LPIN1: variants seen among roughly 807,000 people sequenced by gnomAD.
LPIN1 encodes the protein lipin 1.
Under a neutral mutation model 107.5 loss-of-function variants are expected in LPIN1, and 71 were observed. The ratio of observed to expected loss-of-function variants is 0.66; its 90% CI spans 0.55 to 0.80. LPIN1 has a LOEUF of 0.80. Among genes scored for constraint, LPIN1 ranks in the 30% least tolerant of loss-of-function variants. The pLI, the probability that LPIN1 is intolerant of heterozygous loss-of-function variation, is 0.00. For missense variants in LPIN1, 1,043 were observed against 1,160.6 expected, an observed-to-expected ratio of 0.90 and a Z score of 1.47; for synonymous variants, 445 against 452.6, an observed-to-expected ratio of 0.98 and a Z score of 0.21.
At position 11,765,881 on chromosome 2, in the gene LPIN1, T is replaced by A; in HGVS notation, c.192+148T>A. The A allele has an allele frequency of 1.5e-6, 1 of 662,644 alleles. No individual in the cohort carries two copies. The highest frequency in any genetic ancestry group is 2.5e-6 in the Non-Finnish European group (1 of 394,738). 41.0% of individuals were successfully genotyped at this position (662,644 alleles called of 1,614,324 possible). ...AGTCACGGAACTGACAGTGACTAATTGAAATTATTCTAGTTAGTATGGCTG... is the reference window on the plus strand; with the variant it reads ...AGTCACGGAACTGACAGTGACTAATAGAAATTATTCTAGTTAGTATGGCTG... On this transcript the variant is annotated intron_variant, in intron 2 of 20. Transcript: ENST00000674199. This position sits in a 1 kb window ranked among gnomAD's most constrained non-coding sequence, Gnocchi z 4.4.
At chr2:11,685,822 G>A (rs896075932) in intron 1 of LPIN1, among the ~76,000 whole-genome samples, 2 of 152,118 alleles carry the variant, frequency 1.3e-5, no homozygotes, top group Non-Finnish European at 2.9e-5. Flanking sequence ...CTTGTTTCTC[G>A]TTCCAGAGAT....
chr2:11,688,826 G>A (rs892051816), intron 1 of LPIN1, among the ~76,000 whole-genome samples: 1 of 152,158 alleles, frequency 6.6e-6, no homozygotes, highest in African/African-American at 2.4e-5. Flanking sequence ...TTGGCTAGTC[G>A]GTTTCTTCAC....
At chr2:11,713,729 T>C (rs1277478802) in intron 1 of LPIN1, 5 of 1,353,114 alleles carry the variant, frequency 3.7e-6, no homozygotes, top group Non-Finnish European at 5.1e-6. Flanking sequence ...TTTCTATTAA[T>C]TAATTTCTAA....
At chr2:11,716,028 G>C (rs915769091) in intron 2 of LPIN1, among the ~76,000 whole-genome samples, 1 of 152,126 alleles carries the variant, frequency 6.6e-6, no homozygotes, top group African/African-American at 2.4e-5. Context: ...TGTTAGCCTG[G>C]CTGAGTGTGA....
At chr2:11,736,472 G>T (rs1251293993) in intron 1 of LPIN1, among the ~76,000 whole-genome samples, 1 of 152,134 alleles carries the variant, frequency 6.6e-6, no homozygotes, top group Non-Finnish European at 1.5e-5. Context: ...TGGAGGTCTT[G>T]CCCTCATGAG....
At chr2:11,742,992 G>C (rs1317751655), upstream of LPIN1, among the ~76,000 whole-genome samples, 1 of 152,242 alleles carries the variant, frequency 6.6e-6, no homozygotes, top group Non-Finnish European at 1.5e-5. Flanking sequence ...AGGCCACCAA[G>C]GTCAGGTGAA....
At chr2:11,792,181 G>T in intron 13 of LPIN1, 175 bp downstream of exon 13, 2 of 624,100 alleles carry the variant, frequency 3.2e-6, no homozygotes, top group Admixed American at 4.4e-5. Context: ...GGAAGGTGGG[G>T]AGGAAGGTCA....
intron 12 of LPIN1, among the ~76,000 whole-genome samples, chr2:11,790,547 C>T (rs1023112498): frequency 2.6e-5 from 4 of 152,202 alleles, no homozygotes; most frequent in Admixed American, 1.3e-4. Context: ...CAGTCTTCTC[C>T]GCATGCATTG....
intron 18 of LPIN1, 166 bp from the exon 19 acceptor site, chr2:11,819,318 A>G (rs146597806): frequency 2.2e-4 from 132 of 613,350 alleles, no homozygotes; most frequent in African/African-American, 1.8e-3. Flanking sequence ...GTACGGGTTT[A>G]CTTTCCATCT....
rs1662638708 is a variant in LPIN1 at position 11,697,360 on chromosome 2, A to C, written c.82-16396A>C. 6.6e-6 allele frequency among the ~76,000 whole-genome samples: 1 copy of C among 152,232 alleles called. No homozygotes were observed. ...TTGCTCCAGGCTGGAACAGCAAGCA[A>C]GCAGCTCCTGGTGGCCTGTGGCCAG... On this transcript the variant is annotated intron_variant, in intron 1 of 21. Coordinates refer to the LPIN1 transcript ENST00000449576. The surrounding 1 kb of genome is among the most constrained non-coding windows in gnomAD (Gnocchi z 4.6).
chr2:11,765,572 G>C lies in LPIN1; in HGVS notation c.31G>C (p.Val11Leu), dbSNP rs760793370. 7 of 1,614,126 alleles carry C rather than the reference G, an allele frequency of 4.3e-6. No homozygotes were observed. Among genetic ancestry groups the C allele is most frequent in the Non-Finnish European group, 5.9e-6 (7 of 1,179,978 alleles). Residue 11 changes from valine to leucine, a missense_variant, in exon 2 of 21, where the codon GTG becomes CTG. Val to Leu is a conservative substitution (Grantham distance 32, BLOSUM62 1). Coordinates refer to ENST00000674199, the MANE Select transcript of LPIN1 (RefSeq NM_001349206.2). The surrounding 1 kb of genome is among the most constrained non-coding windows in gnomAD (Gnocchi z 4.4). Reference sequence around the variant, plus strand: ...TTACGTGGGGCAGTTAGCCGGCCAGGTGTTTGTCACCGTGAAGGAGCTCTA... The same window carrying C: ...TTACGTGGGGCAGTTAGCCGGCCAGCTGTTTGTCACCGTGAAGGAGCTCTA... MNYVGQLAGQ[V>L]FVTVKELYKG... is the part of the protein sequence containing the mutation.
At chr2:11,762,208 ATGGAAGGGTGCACAG>A (rs915140010) in intron 1 of LPIN1, among the ~76,000 whole-genome samples, 1 of 152,106 alleles carries the variant, frequency 6.6e-6, no homozygotes, top group African/African-American at 2.4e-5. Flanking sequence ...GAGTAGCCAG[ATGGAAGGGTGCACAG>A]GGCAAGGCGG....
chr2:11,775,519 A>G (rs1672521472), intron 5 of LPIN1, among the ~76,000 whole-genome samples: 1 of 152,250 alleles, frequency 6.6e-6, no homozygotes, highest in Admixed American at 6.5e-5. Context: ...ACAAATTAGG[A>G]TAAATAGCTA....
chr2:11,768,645 A>G (rs547562881), intron 3 of LPIN1, among the ~76,000 whole-genome samples: 3 of 152,172 alleles, frequency 2.0e-5, no homozygotes, highest in East Asian at 1.9e-4. Flanking sequence ...CATCATTACA[A>G]ACAACTTGGG....
chr2:11,693,818 ATATATTTTTTTTTTTTT>A (rs1662427189), intron 1 of LPIN1, among the ~76,000 whole-genome samples: 1 of 27,288 alleles, frequency 3.7e-5, no homozygotes, highest in Non-Finnish European at 8.0e-5. Context: ...ATATATATAT[ATATATTTTTTTTTTTTT>A]TTTTTTTTTT....
At chr2:11,693,761 G>A (rs372605635) in intron 1 of LPIN1, among the ~76,000 whole-genome samples, 1 of 133,336 alleles carries the variant, frequency 7.5e-6, no homozygotes, top group Admixed American at 7.8e-5. Flanking sequence ...TTGGGGGCAA[G>A]AGCCATATAT....
chr2:11,783,099 C>T (rs905731782), intron 8 of LPIN1, among the ~76,000 whole-genome samples: 3 of 152,160 alleles, frequency 2.0e-5, no homozygotes, highest in Non-Finnish European at 4.4e-5. Flanking sequence ...TTAGTATCAA[C>T]GATGCCAGGC....
intron 12 of LPIN1, among the ~76,000 whole-genome samples, chr2:11,789,520 G>A (rs1045981196): frequency 1.3e-5 from 2 of 151,748 alleles, no homozygotes; most frequent in Non-Finnish European, 2.9e-5. Flanking sequence ...ATGTATGTGT[G>A]GATGTGCACA....
rs770681321 is a variant in LPIN1 at position 11,783,860 on chromosome 2, C to T, written c.1296C>T (p.Gly432=). 18 of 1,614,126 alleles carry T rather than the reference C, an allele frequency of 1.1e-5. No individual in the cohort carries two copies. The highest frequency in any genetic ancestry group is 1.3e-5 in the African/African-American group (1 of 75,032). ...DKRSRHLGAD[G]VYLDDLTDMD... is the part of the protein sequence containing the mutation. ...GAAGCCGACATCTTGGTGCTGACGG[C>T]GTCTACTTGGATGACCTCACAGACA... The change falls in exon 9 of 21, where the codon GGC becomes GGT. Residue 432 remains glycine (G), a synonymous_variant. Transcript: ENST00000674199.
Sources: allele counts gnomAD v4.1 joint callset (sites outside exome capture counted in the v4.1 genomes callset), GRCh38; gene constraint gnomAD v4.1.1; non-coding constraint Gnocchi (gnomAD v3.1); transcripts MANE v1.5; gene names NCBI Gene and HGNC (gene_info 2026-07-23, HGNC 2026-07-21).